Variants in UNC13C observed in about 807,000 individuals in gnomAD.
UNC13C encodes protein unc-13 homolog C.
In UNC13C, 174 loss-of-function variants were observed where a neutral mutation model predicts 245.4. The observed-to-expected ratio is 0.71, with a 90% CI of 0.63 to 0.80. UNC13C has a LOEUF of 0.80. Among genes scored for constraint, UNC13C ranks in the 30% least tolerant of loss-of-function variants. UNC13C has a pLI of 0.00. For missense variants in UNC13C, 2,829 were observed against 2,602.9 expected (o/e 1.09, Z -1.89); for synonymous variants, 992 against 895.1 (o/e 1.11, Z -1.93).
intron 28 of UNC13C, 32 bp downstream of exon 28, chr15:54,549,723 G>A: frequency 6.9e-7 from 1 of 1,450,118 alleles, no homozygotes; most frequent in Non-Finnish European, 9.5e-7. Context: ...CTTATTCATG[G>A]AAAGTAGTGA....
intron 25 of UNC13C, among the ~76,000 whole-genome samples, chr15:54,529,612 CTTTA>C (rs1485368068): frequency 6.6e-6 from 1 of 152,132 alleles, no homozygotes; most frequent in Non-Finnish European, 1.5e-5. Context: ...AATGTGTATA[CTTTA>C]TTTAATAAAA....
At chr15:54,183,381 GTTCTGA>G (rs2033864158) in intron 4 of UNC13C, among the ~76,000 whole-genome samples, 1 of 151,046 alleles carries the variant, frequency 6.6e-6, no homozygotes, top group Non-Finnish European at 1.5e-5. Context: ...ACTAGATGCA[GTTCTGA>G]CTATGCTATT....
At chr15:54,003,984 C>T (rs965797803) in intron 1 of UNC13C, among the ~76,000 whole-genome samples, 3 of 152,164 alleles carry the variant, frequency 2.0e-5, no homozygotes, top group African/African-American at 7.2e-5. Flanking sequence ...GCACTCCAGC[C>T]TGGGCGACAG....
At chr15:54,273,769 T>C (rs545219398) in intron 10 of UNC13C, among the ~76,000 whole-genome samples, 6 of 152,134 alleles carry the variant, frequency 3.9e-5, no homozygotes, top group Non-Finnish European at 5.9e-5. Flanking sequence ...AAAATGCCAA[T>C]CTATCTCTAC....
chr15:53,885,216 C>T, the UNC13C span, among the ~76,000 whole-genome samples: 1 of 152,206 alleles, frequency 6.6e-6, no homozygotes, highest in Admixed American at 6.5e-5. Context: ...TCTTTCTGAA[C>T]TTCTCCTGCC....
At chr15:54,466,965 G>C (rs1567300584) in intron 19 of UNC13C, among the ~76,000 whole-genome samples, 1 of 151,816 alleles carries the variant, frequency 6.6e-6, no homozygotes, top group East Asian at 1.9e-4. Context: ...TGAATTTCCA[G>C]AGCTACTGTA....
At chr15:53,910,822 C>T in the UNC13C span, 1 of 146,762 alleles carries the variant, frequency 6.8e-6, no homozygotes, top group South Asian at 2.3e-4. Flanking sequence ...TACGGCCCCC[C>T]GAGTGTTCTT....
chr15:54,486,646 A>G (rs142757260), intron 19 of UNC13C, among the ~76,000 whole-genome samples: 12 of 152,276 alleles, frequency 7.9e-5, no homozygotes, highest in African/African-American at 2.4e-4. Flanking sequence ...TATCTTTTTT[A>G]ATACACTTAG....
chr15:54,122,241 G>A (rs935926691), intron 2 of UNC13C, among the ~76,000 whole-genome samples: 2 of 151,756 alleles, frequency 1.3e-5, no homozygotes, highest in African/African-American at 4.8e-5. Flanking sequence ...TTTCTAAATG[G>A]TGTACCATGT....
At chr15:54,089,932 G>T (rs747309207) in intron 2 of UNC13C, among the ~76,000 whole-genome samples, 1 of 152,114 alleles carries the variant, frequency 6.6e-6, no homozygotes, top group African/African-American at 2.4e-5. Context: ...GTGCTGCTTC[G>T]GTCCTCAGTG....
At chr15:53,957,685 GT>G in the UNC13C span, among the ~76,000 whole-genome samples, 1 of 152,138 alleles carries the variant, frequency 6.6e-6, no homozygotes, top group Non-Finnish European at 1.5e-5. Flanking sequence ...ACCAATTTCT[GT>G]TGTTTTTGTT....
At chr15:53,887,095 C>T in the UNC13C span, among the ~76,000 whole-genome samples, 1 of 152,118 alleles carries the variant, frequency 6.6e-6, no homozygotes, top group Non-Finnish European at 1.5e-5. Context: ...TAACTATGGA[C>T]TTTGGTTAAT....
intron 10 of UNC13C, among the ~76,000 whole-genome samples, chr15:54,286,145 T>C (rs2037143722): frequency 6.6e-6 from 1 of 152,212 alleles, no homozygotes; most frequent in Non-Finnish European, 1.5e-5. Context: ...CCTCCCAAAG[T>C]GCTAGGATTA....
At chr15:53,922,316 A>G in the UNC13C span, among the ~76,000 whole-genome samples, 10 of 152,354 alleles carry the variant, frequency 6.6e-5, no homozygotes, top group East Asian at 1.9e-4. Context: ...AAAGGTTCCC[A>G]GAAGATGTTT....
the UNC13C span, among the ~76,000 whole-genome samples, chr15:53,962,377 T>C: frequency 2.6e-5 from 4 of 152,074 alleles, no homozygotes; most frequent in South Asian, 2.1e-4. Context: ...CAAATACTGG[T>C]GATATTTGAG....
intron 2 of UNC13C, among the ~76,000 whole-genome samples, chr15:54,121,214 A>G (rs1183822248): frequency 3.3e-5 from 5 of 152,182 alleles, no homozygotes; most frequent in Admixed American, 3.3e-4. Context: ...ATAAATTGCC[A>G]CAGTCACCTC....
intron 10 of UNC13C, among the ~76,000 whole-genome samples, chr15:54,266,355 G>A (rs2036549276): frequency 6.6e-6 from 1 of 152,010 alleles, no homozygotes; most frequent in South Asian, 2.1e-4. Context: ...TAAGGGATTT[G>A]GAGGATTTCT....
chr15:54,629,604 T>TA (rs11348683), downstream of UNC13C: 7 of 151,914 alleles, frequency 4.6e-5, no homozygotes, highest in African/African-American at 1.7e-4. Context: ...GCAACATGGT[T>TA]AAAAATCTCA....
chr15:54,058,059 A>G (rs1255096922), intron 2 of UNC13C, among the ~76,000 whole-genome samples: 1 of 152,182 alleles, frequency 6.6e-6, no homozygotes, highest in Non-Finnish European at 1.5e-5. Flanking sequence ...GAAGTAGAGA[A>G]CCAAGAGCAA....
Sources: allele counts gnomAD v4.1 joint callset (sites outside exome capture counted in the v4.1 genomes callset), GRCh38; gene constraint gnomAD v4.1.1; transcripts MANE v1.5; gene names NCBI Gene and HGNC (gene_info 2026-07-23, HGNC 2026-07-21).